The following RPS6KC1 variants were observed in gnomAD, a reference collection of about 807,000 sequenced individuals.
The protein encoded by RPS6KC1 is inactive ribosomal protein S6 kinase delta-1.
In RPS6KC1, 54 loss-of-function variants were observed where a neutral mutation model predicts 103.8. The observed-to-expected ratio is 0.52, with a 90% CI of 0.42 to 0.65. The LOEUF (loss-of-function observed/expected upper bound fraction) is 0.65. Ranked by LOEUF, RPS6KC1 falls within the 30% of genes least tolerant of loss-of-function variation. The pLI is 0.00. For missense variants in RPS6KC1, 1,151 were observed against 1,253.8 expected (o/e 0.92, Z 1.24); for synonymous variants, 439 against 438.7 (o/e 1.00, Z -0.01).
intron 6 of RPS6KC1, among the ~76,000 whole-genome samples, chr1:213,162,493 A>T (rs563746988): frequency 7.3e-4 from 111 of 152,272 alleles, no homozygotes; most frequent in Admixed American, 2.2e-3. Context: ...ATGTTGTCCC[A>T]GCTGGTCTCA....
At chr1:213,375,142 CAT>C in the RPS6KC1 span, among the ~76,000 whole-genome samples, 3 of 151,628 alleles carry the variant, frequency 2.0e-5, no homozygotes, top group Non-Finnish European at 4.4e-5. Flanking sequence ...TATATACACA[CAT>C]ATACACATAT....
chr1:213,399,771 G>A, the RPS6KC1 span, among the ~76,000 whole-genome samples: 2 of 152,096 alleles, frequency 1.3e-5, no homozygotes, highest in Non-Finnish European at 2.9e-5. Flanking sequence ...GATGTCCATC[G>A]CTGTGGGAAG....
the RPS6KC1 span, among the ~76,000 whole-genome samples, chr1:213,682,116 C>T: frequency 2.0e-5 from 3 of 152,320 alleles, no homozygotes; most frequent in South Asian, 6.2e-4. Flanking sequence ...GGCTTTAGCA[C>T]AGAAAGTGGA....
chr1:213,150,917 G>T (rs1448598129), intron 6 of RPS6KC1, among the ~76,000 whole-genome samples: 13 of 151,966 alleles, frequency 8.6e-5, no homozygotes, highest in African/African-American at 2.9e-4. Context: ...TCACCTCCTG[G>T]GCGGGGCAGC....
the RPS6KC1 span, among the ~76,000 whole-genome samples, chr1:213,654,736 C>G: frequency 6.6e-6 from 1 of 152,224 alleles, no homozygotes; most frequent in Middle Eastern, 3.4e-3. Context: ...GTTTTTGCTG[C>G]CTGTCTGATT....
chr1:213,498,442 G>GTTTTC, the RPS6KC1 span, among the ~76,000 whole-genome samples: 22 of 151,392 alleles, frequency 1.5e-4, no homozygotes, highest in South Asian at 2.1e-3. Flanking sequence ...ATAGAAGTAT[G>GTTTTC]TTTTCTTTTC....
At chr1:213,151,651 T>C (rs1572863356) in intron 6 of RPS6KC1, among the ~76,000 whole-genome samples, 5 of 73,900 alleles carry the variant, frequency 6.8e-5, no homozygotes, top group East Asian at 3.8e-4. Context: ...GCAGAGGGGC[T>C]CCTCACTTCC....
chr1:213,324,558 C>T, the RPS6KC1 span, among the ~76,000 whole-genome samples: 3 of 141,940 alleles, frequency 2.1e-5, no homozygotes, highest in Non-Finnish European at 3.0e-5. Context: ...CATGCTAATA[C>T]AGACACTATT....
intron 6 of RPS6KC1, among the ~76,000 whole-genome samples, chr1:213,159,431 G>A (rs1558446016): frequency 6.6e-6 from 1 of 152,190 alleles, no homozygotes; most frequent in African/African-American, 2.4e-5. Flanking sequence ...TATTCAGATT[G>A]TATGAACAGT....
chr1:213,721,239 C>G, the RPS6KC1 span, among the ~76,000 whole-genome samples: 3 of 152,134 alleles, frequency 2.0e-5, no homozygotes, highest in Admixed American at 1.3e-4. Context: ...CCTGCTGTGT[C>G]CCCTTCTTCT....
At chr1:213,791,290 T>G in the RPS6KC1 span, among the ~76,000 whole-genome samples, 11 of 152,250 alleles carry the variant, frequency 7.2e-5, no homozygotes, top group Admixed American at 5.9e-4. Flanking sequence ...AAAGGGAAGT[T>G]AGGGTAGTCA....
At chr1:213,286,119 G>A in the RPS6KC1 span, among the ~76,000 whole-genome samples, 1 of 152,174 alleles carries the variant, frequency 6.6e-6, no homozygotes, top group Non-Finnish European at 1.5e-5. Context: ...TCGAGAAGTG[G>A]TTATGTAAAA....
At chr1:213,120,563 TA>T (rs1312713092) in intron 5 of RPS6KC1, among the ~76,000 whole-genome samples, 1 of 152,092 alleles carries the variant, frequency 6.6e-6, no homozygotes, top group African/African-American at 2.4e-5. Context: ...GCCCCACAGG[TA>T]CGCAGTGAAA....
intron 8 of RPS6KC1, among the ~76,000 whole-genome samples, chr1:213,203,374 G>A (rs1995151): frequency 0.73 from 110,480 of 152,050 alleles, 40,922 homozygotes; most frequent in African/African-American, 0.86. Context: ...TTACTTCCTC[G>A]TATCCTTACT....
chr1:213,162,134 A>T (rs958573738), intron 6 of RPS6KC1, among the ~76,000 whole-genome samples: 2 of 152,074 alleles, frequency 1.3e-5, no homozygotes, highest in African/African-American at 2.4e-5. Flanking sequence ...CTGTCATTAG[A>T]TCTTTGTGAT....
chr1:213,263,075 T>G (rs2149114041), intron 14 of RPS6KC1, among the ~76,000 whole-genome samples: 1 of 152,336 alleles, frequency 6.6e-6, no homozygotes, highest in East Asian at 1.9e-4. Flanking sequence ...TTCTGTATAT[T>G]TGTGTAACTC....
chr1:213,212,551 A>T (rs2841428), intron 8 of RPS6KC1, among the ~76,000 whole-genome samples: 2,892 of 150,706 alleles, frequency 0.019, 94 homozygotes, highest in African/African-American at 0.066. Context: ...ATCCATGTGC[A>T]GGGGTTTTTG....
At chr1:213,383,279 T>C in the RPS6KC1 span, among the ~76,000 whole-genome samples, 1 of 152,220 alleles carries the variant, frequency 6.6e-6, no homozygotes. Context: ...CATGGAGTCA[T>C]GTGCAACCTT....
At chr1:213,134,323 C>G (rs1407750154) in intron 6 of RPS6KC1, among the ~76,000 whole-genome samples, 1 of 151,692 alleles carries the variant, frequency 6.6e-6, no homozygotes, top group Non-Finnish European at 1.5e-5. Context: ...TTTTCTTCCT[C>G]TCTCATTTTC....
Sources: gnomAD v4.1 joint callset for allele counts (sites outside exome capture counted in the v4.1 genomes callset) on GRCh38, gnomAD v4.1.1 for gene constraint, MANE v1.5 for transcripts, NCBI Gene and HGNC (gene_info 2026-07-23, HGNC 2026-07-21) for gene names.